DCAF8L2: variants seen among roughly 807,000 people sequenced by gnomAD.
DCAF8L2 encodes DDB1- and CUL4-associated factor 8-like protein 2.
For missense variants in DCAF8L2, 430 were observed against 490.7 expected, an observed-to-expected ratio of 0.88 and a Z score of 1.17; for synonymous variants, 200 against 190.9, an observed-to-expected ratio of 1.05 and a Z score of -0.39.
chrX:27,482,159 G>A, the DCAF8L2 span, among the ~76,000 whole-genome samples: 1 of 111,225 alleles, frequency 9.0e-6, no homozygotes, highest in East Asian at 2.8e-4. Context: ...CTTTCTAAAT[G>A]ATACCAAATT....
At chrX:27,678,054 G>A (rs868726080) in intron 3 of DCAF8L2, 142 bp downstream of exon 3, 6 of 111,581 alleles carry the variant, frequency 5.4e-5, no homozygotes, top group African/African-American at 1.6e-4. Flanking sequence ...CTGACAAGAT[G>A]ATGATATGAA....
chrX:27,738,159 T>C (rs6630568), intron 4 of DCAF8L2, among the ~76,000 whole-genome samples: 11,956 of 111,247 alleles, frequency 0.11, 606 homozygotes, highest in East Asian at 0.34. Context: ...TGGAAGGTTT[T>C]GTCTAAAAAA....
At chrX:27,720,619 C>T (rs6628309) in intron 4 of DCAF8L2, among the ~76,000 whole-genome samples, 4 of 110,811 alleles carry the variant, frequency 3.6e-5, no homozygotes, top group Non-Finnish European at 7.6e-5. Flanking sequence ...ATGACCCACC[C>T]GCCTCGGCCT....
chrX:27,528,501 T>TATATATATAC, the DCAF8L2 span, among the ~76,000 whole-genome samples: 28 of 100,241 alleles, frequency 2.8e-4, no homozygotes, highest in Non-Finnish European at 4.2e-4. Flanking sequence ...TATATATATA[T>TATATATATAC]ACACACACAC....
chrX:27,746,670 G>A (rs952125578), intron 4 of DCAF8L2, 168 bp from the exon 5 acceptor site: 46 of 364,017 alleles, frequency 1.3e-4, no homozygotes, highest in East Asian at 1.1e-3. Flanking sequence ...GCTGCGAGGC[G>A]GCGAGCAGGT....
chrX:27,636,411 T>C (rs935409429), intron 2 of DCAF8L2, among the ~76,000 whole-genome samples: 2 of 112,359 alleles, frequency 1.8e-5, no homozygotes, highest in African/African-American at 6.5e-5. Flanking sequence ...AGTACATTAC[T>C]TCAAATTGAT....
chrX:27,707,244 T>G (rs1457789761), intron 3 of DCAF8L2, among the ~76,000 whole-genome samples: 1 of 111,695 alleles, frequency 9.0e-6, no homozygotes, highest in Non-Finnish European at 1.9e-5. Flanking sequence ...AACTATTGAT[T>G]TGTATAATTT....
chrX:27,599,922 T>C (rs772620734), intron 1 of DCAF8L2, among the ~76,000 whole-genome samples: 2 of 112,075 alleles, frequency 1.8e-5, no homozygotes, highest in Admixed American at 1.9e-4. Flanking sequence ...AAACTAAAGA[T>C]CCCTTATAAT....
intron 2 of DCAF8L2, among the ~76,000 whole-genome samples, chrX:27,639,317 T>C (rs6628295): frequency 0.2 from 21,721 of 110,142 alleles, 1,786 homozygotes; most frequent in East Asian, 0.43. Context: ...GGTAGGGAGG[T>C]AGGGATTGTT....
At position 27,655,875 on chromosome X, in the gene DCAF8L2, G is replaced by A. The variant is rs142098272; in HGVS notation, c.-219-21961G>A. On this transcript the variant is annotated intron_variant, in intron 2 of 4. Transcript: ENST00000451261. Reference sequence around the variant, plus strand: ...TATATGCTTTTAAAACTTCAAATTTGTGAGTTCAAATAGTTAAGTACCTCT... The same window carrying A: ...TATATGCTTTTAAAACTTCAAATTTATGAGTTCAAATAGTTAAGTACCTCT... Among the ~76,000 whole-genome samples the A allele has an allele frequency of 7.6e-3, 848 of 111,292 alleles. 7 individuals carry two copies. Among genetic ancestry groups the A allele is most frequent in the African/African-American group, 0.025 (776 of 30,664 alleles).
the DCAF8L2 span, chrX:27,518,489 C>CT: frequency 2.4e-6 from 1 of 424,391 alleles, no homozygotes; most frequent in Non-Finnish European, 4.2e-6. Flanking sequence ...GCCTGTAATC[C>CT]AGCACTTTGG....
intron 2 of DCAF8L2, among the ~76,000 whole-genome samples, chrX:27,666,093 T>A (rs1339948728): frequency 8.9e-6 from 1 of 111,908 alleles, no homozygotes; most frequent in Non-Finnish European, 1.9e-5. Flanking sequence ...AGTGATAGCT[T>A]CTTTCATCAA....
the DCAF8L2 span, among the ~76,000 whole-genome samples, chrX:27,481,933 G>GGACATATTA: frequency 1.8e-5 from 2 of 111,199 alleles, no homozygotes; most frequent in Non-Finnish European, 3.8e-5. Flanking sequence ...GAGTTGATTT[G>GGACATATTA]GACATATTAT....
the DCAF8L2 span, among the ~76,000 whole-genome samples, chrX:27,547,881 C>CTCTCTT: frequency 5.0e-5 from 3 of 60,507 alleles, no homozygotes; most frequent in African/African-American, 2.0e-4. Flanking sequence ...TTCTCTCTCT[C>CTCTCTT]TCTCTCTCTT....
chrX:27,560,907 C>T, the DCAF8L2 span, among the ~76,000 whole-genome samples: 3 of 112,201 alleles, frequency 2.7e-5, no homozygotes, highest in African/African-American at 9.7e-5. Flanking sequence ...GAAGTGTTTG[C>T]CAAATCTTAT....
intron 2 of DCAF8L2, among the ~76,000 whole-genome samples, chrX:27,640,098 A>G (rs751036821): frequency 1.1e-4 from 12 of 111,155 alleles, no homozygotes. Flanking sequence ...CCTCCCACCA[A>G]TGAGTTCATG....
At chrX:27,514,688 A>AAC in the DCAF8L2 span, among the ~76,000 whole-genome samples, 1 of 78,325 alleles carries the variant, frequency 1.3e-5, no homozygotes, top group Non-Finnish European at 2.3e-5. Context: ...AAAAAAAAAA[A>AAC]AAAAAAACAA....
At chrX:27,602,451 T>C (rs1926693082) in intron 1 of DCAF8L2, among the ~76,000 whole-genome samples, 1 of 112,079 alleles carries the variant, frequency 8.9e-6, no homozygotes, top group South Asian at 3.6e-4. Context: ...AAAATATATT[T>C]GTAACACCTA....
At chrX:27,601,319 G>A (rs760822855) in intron 1 of DCAF8L2, among the ~76,000 whole-genome samples, 7 of 112,189 alleles carry the variant, frequency 6.2e-5, no homozygotes, top group Non-Finnish European at 9.4e-5. Context: ...GAAATATTAT[G>A]TGAACCACAT....
Sources: allele counts gnomAD v4.1 joint callset (sites outside exome capture counted in the v4.1 genomes callset), GRCh38; gene constraint gnomAD v4.1.1; transcripts MANE v1.5; gene names NCBI Gene and HGNC (gene_info 2026-07-23, HGNC 2026-07-21).